EEIG2: variants seen among roughly 807,000 people sequenced by gnomAD.
EEIG2 encodes family with sequence similarity 102 member B.
the EEIG2 span, among the ~76,000 whole-genome samples, chr1:108,617,419 TTGAGA>T: frequency 2.0e-5 from 3 of 152,108 alleles, no homozygotes; most frequent in Non-Finnish European, 4.4e-5. Context: ...CTCTCATTTG[TTGAGA>T]TGAGAAAGAC....
the EEIG2 span, chr1:108,560,669 G>C: frequency 7.4e-7 from 1 of 1,351,528 alleles, no homozygotes; most frequent in Non-Finnish European, 9.9e-7. Context: ...CCTAGGGACC[G>C]CTCTAAAATC....
At chr1:108,592,634 C>T in the EEIG2 span, among the ~76,000 whole-genome samples, 6 of 152,006 alleles carry the variant, frequency 3.9e-5, no homozygotes, top group African/African-American at 1.2e-4. Flanking sequence ...TGGGACTCTA[C>T]GGGTCATGAA....
the EEIG2 span, among the ~76,000 whole-genome samples, chr1:108,560,769 G>A: frequency 6.6e-6 from 1 of 152,010 alleles, no homozygotes; most frequent in Non-Finnish European, 1.5e-5. Flanking sequence ...GATGGTGCCT[G>A]GTATCTGCTC....
At chr1:108,626,139 T>C in the EEIG2 span, 1 of 152,260 alleles carries the variant, frequency 6.6e-6, no homozygotes, top group Non-Finnish European at 1.5e-5. Flanking sequence ...CCTTTACATA[T>C]TGATGTTCCA....
chr1:108,616,432 AGT>A, the EEIG2 span: 1 of 1,566,560 alleles, frequency 6.4e-7, no homozygotes, highest in Non-Finnish European at 8.8e-7. Flanking sequence ...TTAAAACGTA[AGT>A]TGATACCCAA....
the EEIG2 span, among the ~76,000 whole-genome samples, chr1:108,610,895 G>C: frequency 6.6e-6 from 1 of 152,058 alleles, no homozygotes; most frequent in Non-Finnish European, 1.5e-5. Context: ...AGCTTGCAGT[G>C]AGCCAAGATC....
the EEIG2 span, among the ~76,000 whole-genome samples, chr1:108,575,665 A>G: frequency 6.6e-6 from 1 of 152,232 alleles, no homozygotes; most frequent in Non-Finnish European, 1.5e-5. Context: ...ATGCAACAAC[A>G]TGGATGAAGC....
the EEIG2 span, among the ~76,000 whole-genome samples, chr1:108,561,036 G>C: frequency 1.3e-5 from 2 of 152,214 alleles, no homozygotes; most frequent in South Asian, 4.1e-4. Flanking sequence ...GGCCAGGCTT[G>C]ACTTGAGTCA....
At chr1:108,613,271 A>T in the EEIG2 span, among the ~76,000 whole-genome samples, 3 of 152,326 alleles carry the variant, frequency 2.0e-5, no homozygotes, top group South Asian at 6.2e-4. Flanking sequence ...GCACTTGCCC[A>T]TATCTCCATG....
At chr1:108,604,855 C>T in the EEIG2 span, among the ~76,000 whole-genome samples, 2 of 146,948 alleles carry the variant, frequency 1.4e-5, no homozygotes, top group African/African-American at 5.1e-5. Context: ...ATGGCAAGAC[C>T]CCACCTCTCC....
chr1:108,571,560 T>G, the EEIG2 span, among the ~76,000 whole-genome samples: 1 of 152,042 alleles, frequency 6.6e-6, no homozygotes, highest in Non-Finnish European at 1.5e-5. Flanking sequence ...GACCAAGACT[T>G]TCATCTTAGA....
the EEIG2 span, among the ~76,000 whole-genome samples, chr1:108,596,503 G>A: frequency 8.0e-4 from 122 of 152,184 alleles, 1 homozygote; most frequent in African/African-American, 2.8e-3. Context: ...CTTGGTTGAT[G>A]TAATTCATAA....
At chr1:108,575,821 T>C in the EEIG2 span, among the ~76,000 whole-genome samples, 1 of 152,128 alleles carries the variant, frequency 6.6e-6, no homozygotes. Flanking sequence ...TGGAGAGAAA[T>C]GGGCAGTGAC....
At chr1:108,609,908 G>T in the EEIG2 span, among the ~76,000 whole-genome samples, 1 of 152,174 alleles carries the variant, frequency 6.6e-6, no homozygotes, top group Non-Finnish European at 1.5e-5. Flanking sequence ...CCTGTCGGGA[G>T]GGGGCGGGAG....
At chr1:108,579,613 C>T in the EEIG2 span, among the ~76,000 whole-genome samples, 1 of 151,526 alleles carries the variant, frequency 6.6e-6, no homozygotes, top group Non-Finnish European at 1.5e-5. Flanking sequence ...ACAGAACTCT[C>T]TACCCCAAAT....
At chr1:108,617,090 GT>G in the EEIG2 span, among the ~76,000 whole-genome samples, 2,319 of 152,316 alleles carry the variant, frequency 0.015, 16 homozygotes, top group Non-Finnish European at 0.022. Context: ...AGGGAGAAGT[GT>G]TCTTGGCACG....
At chr1:108,579,369 C>T in the EEIG2 span, among the ~76,000 whole-genome samples, 2 of 138,738 alleles carry the variant, frequency 1.4e-5, no homozygotes, top group South Asian at 2.6e-4. Context: ...GTAAACGGAT[C>T]AATTCAACAA....
At chr1:108,596,613 A>C in the EEIG2 span, among the ~76,000 whole-genome samples, 1 of 152,150 alleles carries the variant, frequency 6.6e-6, no homozygotes. Flanking sequence ...AATTCCCTGT[A>C]TGCTTTTTTT....
At chr1:108,566,459 G>A in the EEIG2 span, among the ~76,000 whole-genome samples, 1 of 152,056 alleles carries the variant, frequency 6.6e-6, no homozygotes, top group Non-Finnish European at 1.5e-5. Context: ...GTTACTAGTA[G>A]TAGAAAGTAC....
Sources: gnomAD v4.1 joint callset for allele counts (sites outside exome capture counted in the v4.1 genomes callset) on GRCh38, gnomAD v4.1.1 for gene constraint, MANE v1.5 for transcripts, NCBI Gene and HGNC (gene_info 2026-07-23, HGNC 2026-07-21) for gene names.